Variants in XKR6 observed in about 807,000 individuals in gnomAD.
XKR6 encodes the protein XK-related protein 6.
XKR6 carries 22 observed loss-of-function variants against 56.7 expected under a neutral mutation model. The observed-to-expected ratio is 0.39, with a 90% CI of 0.28 to 0.55. XKR6 has a LOEUF of 0.55. Ranked by LOEUF, XKR6 falls within the 20% of genes least tolerant of loss-of-function variation. The pLI, the probability that XKR6 is intolerant of heterozygous loss-of-function variation, is 0.66. For synonymous variants in XKR6, 524 were observed against 387.8 expected (o/e 1.35, Z -4.13); for missense variants, 852 against 889.0 (o/e 0.96, Z 0.53).
chr8:11,179,569 CTA>C (rs1176731619), intron 1 of XKR6, among the ~76,000 whole-genome samples: 1 of 152,174 alleles, frequency 6.6e-6, no homozygotes, highest in Non-Finnish European at 1.5e-5. Flanking sequence ...CCTCAAAACA[CTA>C]GAGTTTCAGT....
At chr8:10,998,358 T>A (rs1466452926) in intron 1 of XKR6, among the ~76,000 whole-genome samples, 3 of 152,182 alleles carry the variant, frequency 2.0e-5, no homozygotes, top group Admixed American at 2.0e-4. Flanking sequence ...ATCTGCAGAA[T>A]TCTTCTCTGG....
intron 2 of XKR6, among the ~76,000 whole-genome samples, chr8:10,911,199 C>CATGTGTGTGTGTGT (rs1284455130): frequency 1.6e-5 from 2 of 126,338 alleles, no homozygotes; most frequent in Admixed American, 1.6e-4. Flanking sequence ...AGAGGGTGTG[C>CATGTGTGTGTGTGT]GTGTGTGTGT....
intron 1 of XKR6, among the ~76,000 whole-genome samples, chr8:11,022,893 T>A (rs893173011): frequency 6.6e-6 from 1 of 152,164 alleles, no homozygotes; most frequent in Admixed American, 6.5e-5. Flanking sequence ...GTCCTCCACG[T>A]CCCAGGGCAG....
In XKR6 at chr8:11,104,136, A is replaced by G. The variant is rs187814476; in HGVS notation, c.764+96440T>C. On this transcript the variant is annotated intron_variant, in intron 1 of 2. Coordinates refer to ENST00000416569, the MANE Select transcript of XKR6 (RefSeq NM_173683.4). ...AATTCAATGTCGGGCCTCCTAAGAA[A>G]ACGTCTCTAAGGGAAACACTTAATG... 9.3e-4 allele frequency among the ~76,000 whole-genome samples: 141 copies of G among 152,190 alleles called. 1 individual carries two copies. Among genetic ancestry groups the G allele is most frequent in the African/African-American group, 3.0e-3 (124 of 41,448 alleles).
At chr8:11,033,775 C>T (rs751522054) in intron 1 of XKR6, among the ~76,000 whole-genome samples, 6 of 152,128 alleles carry the variant, frequency 3.9e-5, no homozygotes, top group Non-Finnish European at 8.8e-5. Context: ...TGCAGATACC[C>T]AGGTCCACTC....
At chr8:10,929,382 G>C (rs1458577134) in intron 1 of XKR6, among the ~76,000 whole-genome samples, 1 of 152,218 alleles carries the variant, frequency 6.6e-6, no homozygotes, top group Non-Finnish European at 1.5e-5. Flanking sequence ...CTGAAGCACT[G>C]AGGTTAAAAC....
At chr8:10,946,830 T>C (rs897306345) in intron 1 of XKR6, among the ~76,000 whole-genome samples, 3 of 152,046 alleles carry the variant, frequency 2.0e-5, no homozygotes, top group African/African-American at 4.8e-5. Flanking sequence ...TCTAATTCCA[T>C]TGCTAGGCAT....
chr8:11,179,997 G>A (rs1389274395), intron 1 of XKR6, among the ~76,000 whole-genome samples: 1 of 151,896 alleles, frequency 6.6e-6, no homozygotes, highest in Admixed American at 6.6e-5. Context: ...AAAACAGCTG[G>A]GCATGGTGGC....
intron 2 of XKR6, among the ~76,000 whole-genome samples, chr8:10,919,904 T>C (rs1459890632): frequency 6.6e-6 from 1 of 152,226 alleles, no homozygotes; most frequent in African/African-American, 2.4e-5. Flanking sequence ...CCTGCAGAAA[T>C]GTCCAAATGA....
At chr8:11,095,226 C>T (rs765602484) in intron 1 of XKR6, among the ~76,000 whole-genome samples, 6 of 152,210 alleles carry the variant, frequency 3.9e-5, no homozygotes, top group African/African-American at 1.4e-4. Context: ...TTTCCCCAAA[C>T]TGCAAATATT....
At chr8:11,116,712 A>C (rs1171180672) in intron 1 of XKR6, among the ~76,000 whole-genome samples, 1 of 152,162 alleles carries the variant, frequency 6.6e-6, no homozygotes, top group Admixed American at 6.5e-5. Flanking sequence ...AGCAGCTGAG[A>C]GGTTTCATTC....
chr8:11,133,950 CTCTTA>C (rs1800249629), intron 1 of XKR6, among the ~76,000 whole-genome samples: 1 of 152,142 alleles, frequency 6.6e-6, no homozygotes, highest in African/African-American at 2.4e-5. Flanking sequence ...ATGAGCTGGT[CTCTTA>C]TGTTTTTGAC....
chr8:10,955,999 G>A (rs1227020695), intron 1 of XKR6, among the ~76,000 whole-genome samples: 7 of 152,218 alleles, frequency 4.6e-5, no homozygotes, highest in Non-Finnish European at 7.3e-5. Flanking sequence ...CAGAAAGATG[G>A]AGAAGAATGG....
chr8:11,165,723 T>C (rs553171578), intron 1 of XKR6, among the ~76,000 whole-genome samples: 2 of 152,108 alleles, frequency 1.3e-5, no homozygotes, highest in East Asian at 3.9e-4. Context: ...AAGACAGAAG[T>C]GGCCAAGGAA....
chr8:11,086,133 A>AATATATATATATATATATAT (rs138365092), intron 1 of XKR6, among the ~76,000 whole-genome samples: 12 of 90,100 alleles, frequency 1.3e-4, no homozygotes, highest in African/African-American at 6.8e-4. Flanking sequence ...TTAAAAAGAA[A>AATATATATATATATATATAT]ATATATATAT....
intron 1 of XKR6, among the ~76,000 whole-genome samples, chr8:11,005,968 C>T (rs890960557): frequency 4.6e-5 from 7 of 151,568 alleles, no homozygotes; most frequent in East Asian, 3.9e-4. Flanking sequence ...CTCAGCCTCC[C>T]GAGTAGCTGG....
chr8:11,082,896 G>A (rs1360634927), intron 1 of XKR6, among the ~76,000 whole-genome samples: 1 of 152,224 alleles, frequency 6.6e-6, no homozygotes, highest in Non-Finnish European at 1.5e-5. Flanking sequence ...GTGGCCTCAA[G>A]TATTTCTATT....
At chr8:11,022,366 G>C (rs1271768223) in intron 1 of XKR6, among the ~76,000 whole-genome samples, 1 of 152,066 alleles carries the variant, frequency 6.6e-6, no homozygotes, top group Non-Finnish European at 1.5e-5. Context: ...GTGGACACAG[G>C]TACTTATGCT....
At position 10,898,138 on chromosome 8, in the gene XKR6, T is replaced by C; in HGVS notation, c.1740A>G (p.Pro580=). 1.2e-6 allele frequency: 2 copies of C among 1,614,106 alleles called. No homozygotes were observed. The highest frequency in any genetic ancestry group is 1.7e-6 in the Non-Finnish European group (2 of 1,179,970). Residue 580 remains proline (P), a synonymous_variant, in exon 3 of 3, where the codon CCA becomes CCG. Transcript: ENST00000416569. The surrounding 1 kb of genome is among the most constrained non-coding windows in gnomAD (Gnocchi z 6.6). ...PPTPLGRPYL[P]EGPLIKIDMP... is the part of the protein sequence containing the mutation. ...TGTCAATCTTAATGAGGGGCCCTTC[T>C]GGGAGGTAAGGACGCCCCAACGGGG...
Sources: gnomAD v4.1 joint callset for allele counts (sites outside exome capture counted in the v4.1 genomes callset) on GRCh38, gnomAD v4.1.1 for gene constraint, Gnocchi (gnomAD v3.1) non-coding constraint, MANE v1.5 for transcripts, NCBI Gene and HGNC (gene_info 2026-07-23, HGNC 2026-07-21) for gene names.